The following PTPN22 variants were observed in gnomAD, a reference collection of about 807,000 sequenced individuals.
PTPN22 encodes the protein tyrosine-protein phosphatase non-receptor type 22.
Under a neutral mutation model 103.3 loss-of-function variants are expected in PTPN22, and 85 were observed. The observed-to-expected ratio is 0.82, with a 90% CI of 0.69 to 0.99. The LOEUF is 0.99. PTPN22 is among the 50% of genes least tolerant of loss of function. PTPN22 has a pLI of 0.00. For missense variants in PTPN22, 865 were observed against 936.9 expected, an observed-to-expected ratio of 0.92 and a Z score of 1.00; for synonymous variants, 323 against 310.2, an observed-to-expected ratio of 1.04 and a Z score of -0.43.
intron 14 of PTPN22, among the ~76,000 whole-genome samples, chr1:113,834,641 C>T (rs1662822106): frequency 6.6e-6 from 1 of 152,088 alleles, no homozygotes; most frequent in South Asian, 2.1e-4. Context: ...TTACTGCAGC[C>T]CCCAACTCCT....
At chr1:113,820,837 G>A (rs2476599) in intron 19 of PTPN22, among the ~76,000 whole-genome samples, 51,944 of 151,874 alleles carry the variant, frequency 0.34, 10,786 homozygotes, top group African/African-American at 0.58. Flanking sequence ...ACATGCATAC[G>A]TAATACTAGG....
intron 20 of PTPN22, among the ~76,000 whole-genome samples, chr1:113,816,994 A>G (rs1661208414): frequency 6.6e-6 from 1 of 152,186 alleles, no homozygotes; most frequent in Non-Finnish European, 1.5e-5. Flanking sequence ...AGAAGATTCA[A>G]GAAAAAAAAG....
intron 19 of PTPN22, among the ~76,000 whole-genome samples, chr1:113,820,969 T>G (rs955059048): frequency 2.0e-5 from 3 of 150,688 alleles, no homozygotes; most frequent in African/African-American, 7.3e-5. Flanking sequence ...ATTACTATAG[T>G]AAGTATAATT....
chr1:113,816,326 A>G (rs1244718563), intron 20 of PTPN22, among the ~76,000 whole-genome samples: 2 of 151,812 alleles, frequency 1.3e-5, no homozygotes, highest in South Asian at 2.1e-4. Context: ...ACACAAAAAA[A>G]TTAGCCGGGC....
intron 15 of PTPN22, among the ~76,000 whole-genome samples, chr1:113,833,780 T>A (rs1166274983): frequency 6.6e-6 from 1 of 152,170 alleles, no homozygotes; most frequent in Admixed American, 6.5e-5. Context: ...CATCTCTGAC[T>A]TTACCATCAA....
chr1:113,825,216 T>C, intron 18 of PTPN22, 44 bp from the exon 19 acceptor site: 2 of 1,188,566 alleles, frequency 1.7e-6, no homozygotes, highest in South Asian at 1.5e-5. Flanking sequence ...CCTGTGAAAC[T>C]TGAAATACTT....
At chr1:113,814,741 G>T in exon 21 of PTPN22, 1 of 605,190 alleles carries the variant, frequency 1.7e-6, no homozygotes, top group Non-Finnish European at 2.8e-6. Flanking sequence ...ATGCAAAACT[G>T]GCACTTATTG....
At chr1:113,834,174 C>A in intron 15 of PTPN22, 135 bp downstream of exon 15, 1 of 966,804 alleles carries the variant, frequency 1.0e-6, no homozygotes, top group Non-Finnish European at 1.5e-6. Context: ...TCCTTTTTAT[C>A]CCAACATCCT....
chr1:113,825,142 T>C lies in PTPN22; in HGVS notation c.2281A>G (p.Ser761Gly), dbSNP rs775926544. The change falls in exon 19 of 21, where the codon AGT (serine) becomes GGT (glycine). Residue 761 changes from serine (S) to glycine (G), a missense_variant and splice_region_variant. This residue lies in a region of PTPN22 where 401 missense variants were observed against 388.6 expected (regional missense o/e 1.03). Transcript: ENST00000359785. ...TTTTTAAACATAAGTACCAACTTAC[T>C]CTTTTTCATGTTTCGCAAAATTTTC... 2.6e-5 allele frequency: 39 copies of C among 1,506,214 alleles called. No individual in the cohort carries two copies. The South Asian group carries it at 4.1e-4, about 16-fold the overall frequency. The allele number at this position is 1,506,214 out of a possible 1,614,324, so 93.3% of individuals were successfully genotyped here.
intron 11 of PTPN22, among the ~76,000 whole-genome samples, chr1:113,845,029 G>A (rs1663925499): frequency 6.6e-6 from 1 of 151,936 alleles, no homozygotes; most frequent in African/African-American, 2.4e-5. Context: ...GTGTTACCCA[G>A]GATCATTTTG....
rs760944213 is a variant in PTPN22, at chr1:113,858,556, C to CTTGG, written c.287_290dup (p.Lys97AsnfsTer26). The CTTGG allele has an allele frequency of 6.3e-7, 1 of 1,594,728 alleles. No homozygotes were observed. The highest frequency in any genetic ancestry group is 1.7e-5 in the Admixed American group (1 of 58,230). ...AAGGACCCTGGGTGGCAATATAAGC[C>CTTGG]TTGGGTCCATAAACTCCCTAAAGGG... On this transcript the variant is annotated frameshift_variant, in exon 4 of 21. Coordinates refer to ENST00000359785, the Ensembl canonical transcript of PTPN22. LOFTEE classifies it high-confidence loss of function.
intron 18 of PTPN22, among the ~76,000 whole-genome samples, chr1:113,827,415 T>C (rs1317852033): frequency 6.6e-6 from 1 of 152,142 alleles, no homozygotes; most frequent in Admixed American, 6.5e-5. Flanking sequence ...TATGAATATA[T>C]AAGTAAATAC....
At chr1:113,843,988 T>TG (rs940647636) in intron 11 of PTPN22, among the ~76,000 whole-genome samples, 1 of 152,164 alleles carries the variant, frequency 6.6e-6, no homozygotes, top group African/African-American at 2.4e-5. Flanking sequence ...CCTAGCACTT[T>TG]GGGGGGCCAA....
intron 10 of PTPN22, among the ~76,000 whole-genome samples, chr1:113,851,423 G>A (rs1664559125): frequency 6.6e-6 from 1 of 152,080 alleles, no homozygotes; most frequent in African/African-American, 2.4e-5. Flanking sequence ...CAAAGTGCTG[G>A]GATTACAGGT....
chr1:113,837,897 C>T (rs747281129), exon 13 of PTPN22: 1 of 1,614,062 alleles, frequency 6.2e-7, no homozygotes, highest in South Asian at 1.1e-5. Flanking sequence ...AGTCATATGG[C>T]AGTGAATAAT....
At chr1:113,855,981 T>G (rs1182322113) in intron 7 of PTPN22, among the ~76,000 whole-genome samples, 2 of 152,218 alleles carry the variant, frequency 1.3e-5, no homozygotes, top group African/African-American at 2.4e-5. Flanking sequence ...TGGTATAGAA[T>G]AGATTGAAGA....
At chr1:113,867,055 C>CA (rs917702195) in intron 1 of PTPN22, among the ~76,000 whole-genome samples, 66 of 151,986 alleles carry the variant, frequency 4.3e-4, no homozygotes, top group Admixed American at 4.6e-4. Flanking sequence ...CCAAGATCCA[C>CA]AAAAAAAGTT....
rs533142146 is a variant in PTPN22, at chr1:113,871,464, C to G, written c.87+73G>C. ...CTTTATCCCAAGAGCAATTTGGTCT[C>G]GGAAAATTGGACCCCCATAGTCAGT... On this transcript the variant is annotated intron_variant, in intron 1 of 20. Transcript: ENST00000359785. 3 of 1,291,632 alleles carry G rather than the reference C, an allele frequency of 2.3e-6. No individual in the cohort carries two copies. The South Asian group carries it at 3.8e-5, about 16-fold the overall frequency. 80.0% of individuals were successfully genotyped at this position (1,291,632 alleles called of 1,614,324 possible). A position where few individuals can be genotyped will look rare whatever the true frequency, so the allele number is the denominator to read the frequency against.
exon 21 of PTPN22, chr1:113,813,979 G>A (rs1050939978): frequency 6.6e-6 from 1 of 152,086 alleles, no homozygotes; most frequent in African/African-American, 2.4e-5. Flanking sequence ...TATAAATAAA[G>A]TTATTTAAAT....
Sources: allele counts gnomAD v4.1 joint callset (sites outside exome capture counted in the v4.1 genomes callset), GRCh38; gene constraint gnomAD v4.1.1; regional missense constraint gnomAD v4.1.1; transcripts MANE v1.5; gene names NCBI Gene and HGNC (gene_info 2026-07-23, HGNC 2026-07-21).